Variants in RAP1GAP2 observed in about 807,000 individuals in gnomAD.
The protein encoded by RAP1GAP2 is rap1 GTPase-activating protein 2.
In RAP1GAP2, 27 loss-of-function variants were observed where a neutral mutation model predicts 95.0. The observed-to-expected ratio is 0.28, with a 90% confidence interval of 0.21 to 0.39. The LOEUF is 0.39. RAP1GAP2 is among the 10% of genes least tolerant of loss of function. The pLI is 1.00. For synonymous variants in RAP1GAP2, 373 were observed against 380.9 expected (o/e 0.98, Z 0.24); for missense variants, 771 against 970.0 (o/e 0.79, Z 2.72).
At chr17:2,878,188 G>C (rs2073159190) in intron 2 of RAP1GAP2, among the ~76,000 whole-genome samples, 1 of 152,096 alleles carries the variant, frequency 6.6e-6, no homozygotes, top group Non-Finnish European at 1.5e-5. Context: ...GCAAGGGGTT[G>C]GGTGTCAGGC....
chr17:3,031,075 G>A (rs193131762), intron 23 of RAP1GAP2, 77 bp downstream of exon 23: 7 of 1,424,098 alleles, frequency 4.9e-6, no homozygotes, highest in Non-Finnish European at 6.7e-6. Flanking sequence ...CAGAGGAAGA[G>A]GGTTCAGACA....
chr17:2,872,467 G>A (rs2072885073), intron 2 of RAP1GAP2, among the ~76,000 whole-genome samples: 1 of 149,962 alleles, frequency 6.7e-6, no homozygotes, highest in African/African-American at 2.5e-5. Context: ...GCTTATCTCA[G>A]GAGGGGGCTT....
chr17:2,873,771 T>C (rs2072959858), intron 2 of RAP1GAP2, among the ~76,000 whole-genome samples: 1 of 152,080 alleles, frequency 6.6e-6, no homozygotes, highest in African/African-American at 2.4e-5. Context: ...TATTTATTTA[T>C]TTATTTTTGA....
chr17:2,981,379 C>A, intron 10 of RAP1GAP2, 131 bp downstream of exon 10: 1 of 801,022 alleles, frequency 1.2e-6, no homozygotes. Flanking sequence ...TTCCATGTCT[C>A]CCTCTCTCCC....
chr17:2,902,038 G>A lies in RAP1GAP2; in HGVS notation c.81-3246G>A, dbSNP rs888553696. Among the ~76,000 whole-genome samples, 18 of 152,296 alleles carry A rather than the reference G, an allele frequency of 1.2e-4. No homozygotes were observed. In the Middle Eastern group the frequency reaches 0.01, roughly 86 times the overall value. On this transcript the variant is annotated intron_variant, in intron 2 of 24. Transcript: ENST00000254695. The surrounding 1 kb of genome is among the most constrained non-coding windows in gnomAD (Gnocchi z 4.1). ...CTGGAGGCCAGAAGTCCAAAATCAA[G>A]GTGTCAGCAGGGCGACGCTCCCTCT...
rs142020043 is a variant in RAP1GAP2 at position 2,984,045 on chromosome 17, C to T, written c.730-938C>T. On this transcript the variant is annotated intron_variant, in intron 10 of 24. Coordinates refer to ENST00000254695, the MANE Select transcript of RAP1GAP2 (RefSeq NM_015085.5). ...TCACTCAAAGCTACATAGGTAAAAACAGTGGATTCAAAACTAGAGTTTAGG... is the reference window on the plus strand; with the variant it reads ...TCACTCAAAGCTACATAGGTAAAAATAGTGGATTCAAAACTAGAGTTTAGG... 2.4e-3 allele frequency among the ~76,000 whole-genome samples: 370 copies of T among 152,346 alleles called. 1 individual carries two copies. Among genetic ancestry groups the T allele is most frequent in the African/African-American group, 8.5e-3 (353 of 41,584 alleles).
At position 3,005,353 on chromosome 17, in the gene RAP1GAP2, A is replaced by C; in HGVS notation, c.1201-16A>C. The stretch of plus-strand genomic sequence containing the variant: ...CTCTTCCCTCCAGGTCCGTACCATG[A>C]CTCTGTTTCACTCAGGTCTCTGTCA... On this transcript the variant is annotated splice_polypyrimidine_tract_variant and intron_variant, in intron 14 of 24. Coordinates refer to ENST00000254695, the MANE Select transcript of RAP1GAP2 (RefSeq NM_015085.5). This position sits in a 1 kb window ranked among gnomAD's most constrained non-coding sequence, Gnocchi z 5.2. The C allele has an allele frequency of 6.2e-7, 1 of 1,611,672 alleles. No individual in the cohort carries two copies.
intron 2 of RAP1GAP2, among the ~76,000 whole-genome samples, chr17:2,889,096 C>T (rs2073601495): frequency 6.6e-6 from 1 of 152,028 alleles, no homozygotes; most frequent in Non-Finnish European, 1.5e-5. Flanking sequence ...AGATATGTAC[C>T]CTGCAGTGGG....
intron 2 of RAP1GAP2, among the ~76,000 whole-genome samples, chr17:2,856,870 C>T (rs1387422189): frequency 1.3e-5 from 2 of 152,222 alleles, no homozygotes; most frequent in Non-Finnish European, 2.9e-5. Flanking sequence ...TTAACCTACC[C>T]AAGGAGAAAG....
At chr17:2,896,242 C>T (rs552908050) in intron 2 of RAP1GAP2, among the ~76,000 whole-genome samples, 25 of 152,238 alleles carry the variant, frequency 1.6e-4, no homozygotes, top group African/African-American at 4.6e-4. Flanking sequence ...GCATTTTGCC[C>T]GGATCATTTT....
chr17:2,887,925 C>T (rs527630665), intron 2 of RAP1GAP2, among the ~76,000 whole-genome samples: 2 of 152,188 alleles, frequency 1.3e-5, no homozygotes, highest in East Asian at 3.9e-4. Context: ...CCTCCTGCCT[C>T]GGCCTCCCAA....
Position 2,906,272 on chromosome 17 carries a change from A to C in RAP1GAP2, c.165+904A>C, listed in dbSNP as rs951299220. 2.6e-5 allele frequency among the ~76,000 whole-genome samples: 4 copies of C among 152,178 alleles called. No individual in the cohort carries two copies. Among genetic ancestry groups the C allele is most frequent in the Non-Finnish European group, 2.9e-5 (2 of 68,020 alleles). ...AGGCATCTCTTCCTCACTGCTCTGC[A>C]TCACCCCTCCTCTTCCCTGAACCTA... is the stretch of plus-strand genomic sequence containing the variant. On this transcript the variant is annotated intron_variant, in intron 3 of 24. Transcript: ENST00000254695. This position sits in a 1 kb window ranked among gnomAD's most constrained non-coding sequence, Gnocchi z 4.3.
chr17:2,958,828 C>G lies in RAP1GAP2; in HGVS notation c.201+1034C>G, dbSNP rs1597721828. Among the ~76,000 whole-genome samples, 5 of 152,112 alleles carry G rather than the reference C, an allele frequency of 3.3e-5. No homozygotes were observed. The South Asian group carries it at 1.0e-3, about 32-fold the overall frequency. On this transcript the variant is annotated intron_variant, in intron 4 of 24. Coordinates refer to ENST00000254695, the MANE Select transcript of RAP1GAP2 (RefSeq NM_015085.5). Reference sequence around the variant, plus strand: ...CAGTCCTGAGATGTGGGCCAAGCAGCCAGGTGTCCCTGAGGGTGGGGAGGG... The same window carrying G: ...CAGTCCTGAGATGTGGGCCAAGCAGGCAGGTGTCCCTGAGGGTGGGGAGGG...
intron 18 of RAP1GAP2, among the ~76,000 whole-genome samples, chr17:3,019,071 A>G (rs1340236439): frequency 2.0e-5 from 3 of 151,568 alleles, no homozygotes; most frequent in Non-Finnish European, 2.9e-5. Context: ...AAAACAAAAC[A>G]AAACAAAACA....
chr17:2,973,237 C>T (rs530902415), intron 8 of RAP1GAP2, among the ~76,000 whole-genome samples: 2 of 152,208 alleles, frequency 1.3e-5, no homozygotes, highest in South Asian at 4.1e-4. Flanking sequence ...ACTCTGGCGC[C>T]GGGCGTGGTG....
intron 3 of RAP1GAP2, among the ~76,000 whole-genome samples, chr17:2,919,953 G>A (rs1460553491): frequency 1.3e-5 from 2 of 151,766 alleles, no homozygotes; most frequent in Admixed American, 1.3e-4. Flanking sequence ...CGCCCGCCTC[G>A]GCCTCCCAAA....
At position 2,791,212 on chromosome 17, in the gene RAP1GAP2, G is replaced by GA. The variant is rs1370591815; in HGVS notation, c.-13-9294dup. On this transcript the variant is annotated intron_variant, in intron 1 of 24. Coordinates refer to the RAP1GAP2 transcript ENST00000540393. ...AGAACGAGCCCCCTTCTCTAAAAAA[G>GA]AAAAAAAAATGCCCATCGAACTGGG... Among the ~76,000 whole-genome samples the GA allele has an allele frequency of 2.3e-3, 340 of 150,884 alleles. 1 individual carries two copies. The highest frequency in any genetic ancestry group is 7.6e-3 in the African/African-American group (314 of 41,192).
At chr17:2,850,241 C>T (rs1483950509) in intron 2 of RAP1GAP2, among the ~76,000 whole-genome samples, 1 of 150,340 alleles carries the variant, frequency 6.7e-6, no homozygotes, top group Non-Finnish European at 1.5e-5. Context: ...ACCTCATGAT[C>T]CGCCCGCCTC....
intron 2 of RAP1GAP2, among the ~76,000 whole-genome samples, chr17:2,836,796 AGGCAGCCACT>A (rs2071150071): frequency 6.6e-6 from 1 of 152,180 alleles, no homozygotes; most frequent in Non-Finnish European, 1.5e-5. Context: ...ACATGTTATA[AGGCAGCCACT>A]GGCAGCTCTA....
Sources: gnomAD v4.1 joint callset for allele counts (sites outside exome capture counted in the v4.1 genomes callset) on GRCh38, gnomAD v4.1.1 for gene constraint, Gnocchi (gnomAD v3.1) non-coding constraint, MANE v1.5 for transcripts, NCBI Gene and HGNC (gene_info 2026-07-23, HGNC 2026-07-21) for gene names.